Variants in KDM4B observed in about 807,000 individuals in gnomAD.
KDM4B encodes lysine-specific demethylase 4B.
In KDM4B, 32 loss-of-function variants were observed where a neutral mutation model predicts 125.2. The observed-to-expected ratio is 0.26, with a 90% confidence interval of 0.19 to 0.34. The LOEUF is 0.34. Ranked by LOEUF, KDM4B falls within the 10% of genes least tolerant of loss-of-function variation. KDM4B has a pLI of 1.00. For missense variants in KDM4B, 1,190 were observed against 1,577.7 expected, an observed-to-expected ratio of 0.75 and a Z score of 4.16; for synonymous variants, 721 against 677.9, an observed-to-expected ratio of 1.06 and a Z score of -0.99.
At chr19:5,014,910 G>A (rs1238931736) in intron 1 of KDM4B, among the ~76,000 whole-genome samples, 6 of 151,690 alleles carry the variant, frequency 4.0e-5, no homozygotes. Context: ...CAGGAGAATT[G>A]CTTGAACCCG....
chr19:5,053,163 A>G (rs556558773), intron 6 of KDM4B, among the ~76,000 whole-genome samples: 1 of 152,354 alleles, frequency 6.6e-6, no homozygotes, highest in Admixed American at 6.5e-5. Context: ...TGTCACCAGA[A>G]CAAGATGCAG....
chr19:5,051,290 G>A (rs2145724971), intron 6 of KDM4B, among the ~76,000 whole-genome samples: 1 of 152,352 alleles, frequency 6.6e-6, no homozygotes, highest in Non-Finnish European at 1.5e-5. Flanking sequence ...CCCCTCGAGG[G>A]CCCTGGCCCA....
intron 1 of KDM4B, among the ~76,000 whole-genome samples, chr19:4,970,670 A>G (rs1021405800): frequency 6.6e-6 from 1 of 152,218 alleles, no homozygotes; most frequent in African/African-American, 2.4e-5. Flanking sequence ...TAATTCTCCA[A>G]TAATAGCTTC....
At chr19:5,146,618 C>A (rs2039849941) in intron 21 of KDM4B, among the ~76,000 whole-genome samples, 1 of 152,102 alleles carries the variant, frequency 6.6e-6, no homozygotes, top group South Asian at 2.1e-4. Flanking sequence ...CCTGGCAGCT[C>A]TTCTCTCAGG....
intron 11 of KDM4B, among the ~76,000 whole-genome samples, chr19:5,123,418 T>C (rs1466428482): frequency 2.6e-5 from 4 of 152,312 alleles, no homozygotes; most frequent in African/African-American, 7.2e-5. Context: ...CCGGAGTGTG[T>C]CTGTCCAGAT....
chr19:5,020,276 G>A (rs1005624260), intron 2 of KDM4B, among the ~76,000 whole-genome samples: 4 of 149,652 alleles, frequency 2.7e-5, no homozygotes, highest in African/African-American at 9.9e-5. Context: ...GTGTTGGTAT[G>A]CAGATGGTGT....
At chr19:5,032,242 C>T (rs1283664229) in intron 2 of KDM4B, among the ~76,000 whole-genome samples, 1 of 152,212 alleles carries the variant, frequency 6.6e-6, no homozygotes, top group African/African-American at 2.4e-5. Flanking sequence ...CTGTACAGGG[C>T]TGGTGGGCTG....
intron 1 of KDM4B, among the ~76,000 whole-genome samples, chr19:4,986,391 G>C (rs2145351837): frequency 6.6e-6 from 1 of 152,364 alleles, no homozygotes; most frequent in East Asian, 1.9e-4. Flanking sequence ...CTGAGCGCTG[G>C]CCGTGGGGAC....
intron 11 of KDM4B, among the ~76,000 whole-genome samples, chr19:5,126,081 G>A (rs2039444295): frequency 6.6e-6 from 1 of 152,230 alleles, no homozygotes; most frequent in Non-Finnish European, 1.5e-5. Flanking sequence ...ACCTTTCAGG[G>A]CCTAGCAGTG....
chr19:5,061,005 CTAAT>C (rs985805541), intron 6 of KDM4B, among the ~76,000 whole-genome samples: 3 of 152,242 alleles, frequency 2.0e-5, no homozygotes, highest in Non-Finnish European at 4.4e-5. Flanking sequence ...GAGTCTGCTC[CTAAT>C]TAAAGTGGGC....
intron 21 of KDM4B, among the ~76,000 whole-genome samples, chr19:5,146,485 G>A (rs1350085593): frequency 6.6e-6 from 1 of 152,228 alleles, no homozygotes; most frequent in Non-Finnish European, 1.5e-5. Context: ...CTTCCCTGGG[G>A]GGAGGCTCAG....
At chr19:5,121,767 T>A (rs2039366889) in intron 11 of KDM4B, among the ~76,000 whole-genome samples, 1 of 152,142 alleles carries the variant, frequency 6.6e-6, no homozygotes, top group Admixed American at 6.5e-5. Flanking sequence ...CCACATTCTC[T>A]GCAGGTTCAG....
chr19:5,054,757 C>G (rs2037344416), intron 6 of KDM4B, among the ~76,000 whole-genome samples: 1 of 152,224 alleles, frequency 6.6e-6, no homozygotes, highest in South Asian at 2.1e-4. Context: ...GTAAGTGGTC[C>G]AGGCTGCGGC....
intron 21 of KDM4B, 127 bp from the exon 22 acceptor site, chr19:5,150,231 G>A (rs2039922174): frequency 3.1e-6 from 2 of 643,208 alleles, no homozygotes; most frequent in East Asian, 5.5e-5. Context: ...CAGCTTGGCT[G>A]CATGTGGCCT....
intron 1 of KDM4B, among the ~76,000 whole-genome samples, chr19:5,009,472 C>T (rs1245172409): frequency 2.6e-5 from 4 of 152,168 alleles, no homozygotes; most frequent in Non-Finnish European, 5.9e-5. Context: ...ATCACCTTGG[C>T]TCTTTCACGG....
At chr19:5,003,853 C>G (rs1010641545) in intron 1 of KDM4B, among the ~76,000 whole-genome samples, 2 of 152,120 alleles carry the variant, frequency 1.3e-5, no homozygotes, top group Admixed American at 6.5e-5. Flanking sequence ...GGAACCCCCT[C>G]TGTCCCCCAC....
intron 9 of KDM4B, among the ~76,000 whole-genome samples, chr19:5,089,506 G>A (rs764117650): frequency 1.4e-4 from 22 of 152,086 alleles, no homozygotes; most frequent in Non-Finnish European, 3.1e-4. Flanking sequence ...AGAGATGAGC[G>A]CGACAACTTT....
At chr19:5,069,006 A>G (rs2037863264) in intron 6 of KDM4B, among the ~76,000 whole-genome samples, 1 of 152,220 alleles carries the variant, frequency 6.6e-6, no homozygotes, top group Non-Finnish European at 1.5e-5. Flanking sequence ...CAGAAGGAGC[A>G]GAGTGTTTCA....
chr19:5,121,473 G>C (rs1316305153), intron 11 of KDM4B, among the ~76,000 whole-genome samples: 1 of 152,164 alleles, frequency 6.6e-6, no homozygotes, highest in South Asian at 2.1e-4. Context: ...GCAGCCGCCT[G>C]GTGACTCGGG....
Sources: allele counts gnomAD v4.1 joint callset (sites outside exome capture counted in the v4.1 genomes callset), GRCh38; gene constraint gnomAD v4.1.1; transcripts MANE v1.5; gene names NCBI Gene and HGNC (gene_info 2026-07-23, HGNC 2026-07-21).